The following GNA14 variants were observed in gnomAD, a reference collection of about 807,000 sequenced individuals.
The protein encoded by GNA14 is G protein subunit alpha 14.
GNA14 carries 50 observed loss-of-function variants against 42.0 expected under a neutral mutation model. The observed-to-expected ratio is 1.19, with a 90% CI of 0.95 to 1.51. GNA14 has a LOEUF of 1.51. Ranked by LOEUF, GNA14 falls within the 40% of genes most tolerant of loss-of-function variation. The pLI is 0.00. For synonymous variants in GNA14, 173 were observed against 163.1 expected (o/e 1.06, Z -0.46); for missense variants, 473 against 446.2 (o/e 1.06, Z -0.54).
intron 1 of GNA14, among the ~76,000 whole-genome samples, chr9:77,570,006 C>A (rs1823037501): frequency 6.6e-6 from 1 of 152,016 alleles, no homozygotes. Flanking sequence ...ACCTCGTGAT[C>A]CGCTTGCCTC....
chr9:77,477,935 A>T, intron 2 of GNA14, among the ~76,000 whole-genome samples: 1 of 152,164 alleles, frequency 6.6e-6, no homozygotes. Flanking sequence ...ATAATAAGAA[A>T]ATTAAAGAAC....
In GNA14 at chr9:77,445,616, G is replaced by A. The variant is rs138600110; in HGVS notation, c.310-11094C>T. On this transcript the variant is annotated intron_variant, in intron 2 of 6. Coordinates refer to ENST00000341700, the MANE Select transcript of GNA14 (RefSeq NM_004297.4). ...ATATTTGCCAGGCATGGTGGTACGCGCCTGTAGTCTCAGCTACTTGGCGAC... is the reference window on the plus strand; with the variant it reads ...ATATTTGCCAGGCATGGTGGTACGCACCTGTAGTCTCAGCTACTTGGCGAC... 9.8e-3 allele frequency among the ~76,000 whole-genome samples: 1,481 copies of A among 151,354 alleles called. 28 individuals carry two copies. The highest frequency in any genetic ancestry group is 0.034 in the African/African-American group (1,420 of 41,260).
intron 2 of GNA14, among the ~76,000 whole-genome samples, chr9:77,446,176 C>T (rs1236407191): frequency 6.6e-6 from 1 of 152,182 alleles, no homozygotes; most frequent in African/African-American, 2.4e-5. Flanking sequence ...AAATGCTTTG[C>T]CCCACCTGTG....
chr9:77,555,878 G>T (rs538494897), intron 1 of GNA14, among the ~76,000 whole-genome samples: 1 of 152,170 alleles, frequency 6.6e-6, no homozygotes, highest in Non-Finnish European at 1.5e-5. Flanking sequence ...GCAGTGCTGA[G>T]TGAAAAAATA....
intron 1 of GNA14, among the ~76,000 whole-genome samples, chr9:77,618,135 T>C (rs1823852714): frequency 6.6e-6 from 1 of 152,054 alleles, no homozygotes; most frequent in South Asian, 2.1e-4. Flanking sequence ...AAGGACTAAT[T>C]GATTTAAAAA....
chr9:77,646,596 G>C (rs928418788), intron 1 of GNA14, among the ~76,000 whole-genome samples: 1 of 152,184 alleles, frequency 6.6e-6, no homozygotes, highest in African/African-American at 2.4e-5. Flanking sequence ...CTTTCTGGGA[G>C]GGTGATTCCT....
At chr9:77,482,727 C>T (rs1319081755) in intron 2 of GNA14, among the ~76,000 whole-genome samples, 3 of 152,152 alleles carry the variant, frequency 2.0e-5, no homozygotes, top group Non-Finnish European at 2.9e-5. Context: ...CACATAGTCC[C>T]ATATTTCTTG....
intron 2 of GNA14, among the ~76,000 whole-genome samples, chr9:77,440,305 C>T (rs919471230): frequency 2.6e-5 from 4 of 152,202 alleles, no homozygotes; most frequent in Non-Finnish European, 4.4e-5. Flanking sequence ...CCGTGGCTGC[C>T]GGTGACAGTC....
At chr9:77,594,844 T>C (rs1479539916) in intron 1 of GNA14, among the ~76,000 whole-genome samples, 2 of 152,196 alleles carry the variant, frequency 1.3e-5, no homozygotes, top group South Asian at 2.1e-4. Context: ...GCAGCCCACA[T>C]TGAATAAGTC....
chr9:77,429,143 A>C, intron 4 of GNA14, 107 bp from the exon 5 acceptor site: 1 of 1,013,038 alleles, frequency 9.9e-7, no homozygotes, highest in Non-Finnish European at 1.5e-6. Context: ...GTCCTCAGTA[A>C]TTTCTAAGAG....
intron 2 of GNA14, among the ~76,000 whole-genome samples, chr9:77,506,939 T>A (rs1292788057): frequency 1.3e-5 from 2 of 152,210 alleles, no homozygotes; most frequent in Non-Finnish European, 2.9e-5. Flanking sequence ...TCACTTATCC[T>A]CACATTATCA....
intron 2 of GNA14, among the ~76,000 whole-genome samples, chr9:77,511,503 AT>A (rs1438524705): frequency 6.6e-6 from 1 of 152,200 alleles, no homozygotes; most frequent in Non-Finnish European, 1.5e-5. Flanking sequence ...AGGAGAGACA[AT>A]GTACGCATCC....
chr9:77,479,781 G>C (rs903213799), intron 2 of GNA14, among the ~76,000 whole-genome samples: 32 of 152,214 alleles, frequency 2.1e-4, no homozygotes, highest in African/African-American at 7.7e-4. Flanking sequence ...TTGTAAGTTG[G>C]ATTCCTAGGT....
intron 1 of GNA14, among the ~76,000 whole-genome samples, chr9:77,532,926 T>C (rs1457782718): frequency 1.3e-5 from 2 of 152,032 alleles, no homozygotes; most frequent in East Asian, 3.9e-4. Flanking sequence ...TGAATTTTGG[T>C]GTCTGGTTCC....
intron 1 of GNA14, among the ~76,000 whole-genome samples, chr9:77,577,859 TC>T (rs1385621454): frequency 6.6e-6 from 1 of 152,032 alleles, no homozygotes; most frequent in Non-Finnish European, 1.5e-5. Context: ...TCATAAATAC[TC>T]CTATCTCACC....
chr9:77,587,855 C>G (rs1823329631), intron 1 of GNA14, among the ~76,000 whole-genome samples: 1 of 152,200 alleles, frequency 6.6e-6, no homozygotes, highest in Admixed American at 6.5e-5. Context: ...TCTCATAGTT[C>G]TGGATTTCAA....
chr9:77,509,385 A>G (rs1203775976), intron 2 of GNA14, among the ~76,000 whole-genome samples: 2 of 152,184 alleles, frequency 1.3e-5, no homozygotes, highest in Non-Finnish European at 2.9e-5. Flanking sequence ...CCATTTGGCT[A>G]TTGTGAATAA....
intron 2 of GNA14, among the ~76,000 whole-genome samples, chr9:77,483,189 C>A (rs1836590346): frequency 6.6e-6 from 1 of 152,116 alleles, no homozygotes; most frequent in South Asian, 2.1e-4. Flanking sequence ...GTGGTTTTAT[C>A]TACTTTTGGT....
intron 2 of GNA14, among the ~76,000 whole-genome samples, chr9:77,488,784 T>TAAAAAAAAAAA (rs67416479): frequency 5.0e-4 from 27 of 53,682 alleles, no homozygotes; most frequent in African/African-American, 1.3e-3. Flanking sequence ...CACACCTAAT[T>TAAAAAAAAAAA]AAAAAAAAAA....
Sources: gnomAD v4.1 joint callset for allele counts (sites outside exome capture counted in the v4.1 genomes callset) on GRCh38, gnomAD v4.1.1 for gene constraint, MANE v1.5 for transcripts, NCBI Gene and HGNC (gene_info 2026-07-23, HGNC 2026-07-21) for gene names.